The following COL28A1 variants were observed in gnomAD, a reference collection of about 807,000 sequenced individuals.
COL28A1 encodes the protein collagen type XXVIII alpha 1 chain, also known as collagen alpha-1(XXVIII) chain.
In COL28A1, 161 loss-of-function variants were observed where a neutral mutation model predicts 150.2. The ratio of observed to expected loss-of-function variants is 1.07; its 90% CI spans 0.94 to 1.22. The LOEUF is 1.22. Among genes scored for constraint, COL28A1 ranks in the 50% most tolerant of loss-of-function variants. The pLI is 0.00. For synonymous variants in COL28A1, 552 were observed against 469.7 expected (o/e 1.18, Z -2.26); for missense variants, 1,617 against 1,388.3 (o/e 1.16, Z -2.62).
Position 7,406,841 on chromosome 7 carries a change from T to C in COL28A1, c.2136+11018A>G, listed in dbSNP as rs1029924368. Reference sequence around the variant, plus strand: ...GGTGGACAGCATCCAGATTACAACATACCAGATTAGTGGTTTTCTTTCTTT... The same window carrying C: ...GGTGGACAGCATCCAGATTACAACACACCAGATTAGTGGTTTTCTTTCTTT... On this transcript the variant is annotated intron_variant, in intron 27 of 34. Coordinates refer to ENST00000399429, the MANE Select transcript of COL28A1 (RefSeq NM_001037763.3). Among the ~76,000 whole-genome samples, 9 of 152,254 alleles carry C rather than the reference T, an allele frequency of 5.9e-5. 1 individual carries two copies. The South Asian group carries it at 1.9e-3, about 32-fold the overall frequency.
intron 33 of COL28A1, among the ~76,000 whole-genome samples, chr7:7,363,735 C>T (rs989743198): frequency 4.6e-5 from 7 of 151,930 alleles, no homozygotes; most frequent in Non-Finnish European, 1.0e-4. Flanking sequence ...ATGCTCTATG[C>T]TATTTTAAAA....
At chr7:7,397,284 C>G (rs1032651281) in intron 27 of COL28A1, among the ~76,000 whole-genome samples, 5 of 152,078 alleles carry the variant, frequency 3.3e-5, no homozygotes, top group African/African-American at 1.2e-4. Context: ...TCCATCATCA[C>G]GATGCATCTT....
chr7:7,365,516 C>G (rs1195463916), intron 33 of COL28A1, among the ~76,000 whole-genome samples: 1 of 152,190 alleles, frequency 6.6e-6, no homozygotes, highest in Non-Finnish European at 1.5e-5. Context: ...GGAAAACAGA[C>G]TCAGTGCAGT....
intron 13 of COL28A1, among the ~76,000 whole-genome samples, 184 bp downstream of exon 13, chr7:7,489,205 G>C (rs1372326242): frequency 6.6e-6 from 1 of 152,160 alleles, no homozygotes; most frequent in East Asian, 1.9e-4. Context: ...AGGAGGTGGT[G>C]GTTGCAGTGA....
At chr7:7,517,720 G>T in intron 7 of COL28A1, 76 bp downstream of exon 7, 1 of 1,608,060 alleles carries the variant, frequency 6.2e-7, no homozygotes, top group Non-Finnish European at 8.5e-7. Context: ...TTGCACTAAG[G>T]GGGTCAAAAT....
chr7:7,512,315 C>G (rs1324243664), intron 8 of COL28A1, among the ~76,000 whole-genome samples: 1 of 152,124 alleles, frequency 6.6e-6, no homozygotes, highest in African/African-American at 2.4e-5. Flanking sequence ...TCATTAATAA[C>G]AATGTCTTGT....
chr7:7,523,139 C>A (rs1363654944), intron 4 of COL28A1, among the ~76,000 whole-genome samples: 1 of 148,424 alleles, frequency 6.7e-6, no homozygotes, highest in Non-Finnish European at 1.5e-5. Context: ...GATAAGCTAG[C>A]AAGGGTTTTT....
At chr7:7,472,611 C>G (rs1025278928) in intron 15 of COL28A1, among the ~76,000 whole-genome samples, 1 of 152,108 alleles carries the variant, frequency 6.6e-6, no homozygotes, top group Non-Finnish European at 1.5e-5. Flanking sequence ...AAGCCATACA[C>G]AAATTCATTG....
chr7:7,416,893 G>T (rs916601929), intron 27 of COL28A1, among the ~76,000 whole-genome samples: 2 of 152,100 alleles, frequency 1.3e-5, no homozygotes, highest in African/African-American at 4.8e-5. Context: ...AAGAAGTTCT[G>T]CTATTTGAAA....
intron 15 of COL28A1, among the ~76,000 whole-genome samples, chr7:7,456,334 A>G (rs894921340): frequency 5.3e-5 from 8 of 152,186 alleles, no homozygotes; most frequent in Non-Finnish European, 1.2e-4. Flanking sequence ...GTTGGTGAGC[A>G]TTTGTATAGG....
chr7:7,489,110 A>G (rs28691653), intron 13 of COL28A1, among the ~76,000 whole-genome samples: 2,301 of 152,198 alleles, frequency 0.015, 56 homozygotes, highest in African/African-American at 0.052. Flanking sequence ...TCTACTAAAA[A>G]TACAAAAAAC....
At chr7:7,432,774 C>A in intron 23 of COL28A1, 74 bp from the exon 24 acceptor site, 2 of 1,117,010 alleles carry the variant, frequency 1.8e-6, no homozygotes, top group South Asian at 1.2e-5. Flanking sequence ...AGCATAACAC[C>A]AACTCAATAT....
At chr7:7,480,517 A>G (rs1789299835) in intron 13 of COL28A1, among the ~76,000 whole-genome samples, 1 of 152,050 alleles carries the variant, frequency 6.6e-6, no homozygotes, top group Non-Finnish European at 1.5e-5. Flanking sequence ...AAACTAAACC[A>G]AAAGTGCCAA....
intron 31 of COL28A1, among the ~76,000 whole-genome samples, chr7:7,374,665 C>A (rs1781451617): frequency 1.3e-5 from 2 of 152,138 alleles, no homozygotes; most frequent in Non-Finnish European, 2.9e-5. Context: ...AACAAGCCTG[C>A]CACAGAAAAC....
At chr7:7,535,409 A>G (rs1782588864) in intron 1 of COL28A1, among the ~76,000 whole-genome samples, 1 of 152,174 alleles carries the variant, frequency 6.6e-6, no homozygotes, top group Non-Finnish European at 1.5e-5. Flanking sequence ...ATTCAAATTG[A>G]CAAATTAGCC....
chr7:7,502,062 T>C (rs1198119397), intron 11 of COL28A1, among the ~76,000 whole-genome samples: 1 of 152,138 alleles, frequency 6.6e-6, no homozygotes, highest in Non-Finnish European at 1.5e-5. Flanking sequence ...GCCCGGCTAA[T>C]TTTTGTGCTG....
In COL28A1 at chr7:7,437,277, C is replaced by T. The variant is rs760359693; in HGVS notation, c.1791+117G>A. On this transcript the variant is annotated intron_variant, in intron 22 of 34. Coordinates refer to ENST00000399429, the MANE Select transcript of COL28A1 (RefSeq NM_001037763.3). ...TTATCTGTGAAGTTTCAGAGTTAAA[C>T]GGAATCATTTCTAAGGCTCTTCCAA... is the stretch of plus-strand genomic sequence containing the variant. The T allele has an allele frequency of 8.5e-6, 12 of 1,413,060 alleles. 1 individual carries two copies. In the South Asian group the frequency reaches 1.2e-4, roughly 14 times the overall value. 87.5% of individuals were successfully genotyped at this position (1,413,060 alleles called of 1,614,324 possible). A position where few individuals can be genotyped will look rare whatever the true frequency, so the allele number is the denominator to read the frequency against.
rs916550423 is a variant in COL28A1, at chr7:7,490,343, T to C, written c.1095+235A>G. Among the ~76,000 whole-genome samples the C allele has an allele frequency of 2.0e-5, 3 of 152,200 alleles. No homozygotes were observed. In the South Asian group the frequency reaches 6.2e-4, roughly 31 times the overall value. On this transcript the variant is annotated intron_variant, in intron 12 of 34. Transcript: ENST00000399429. ...ACATGTACCTTGGCAAAAGGGTGGG[T>C]ATTTGGAGACAAGTAAGTTTTTCAT...
chr7:7,517,725 C>T, intron 7 of COL28A1, 71 bp downstream of exon 7: 1 of 1,609,682 alleles, frequency 6.2e-7, no homozygotes, highest in South Asian at 1.1e-5. Context: ...CTAAGGGGGT[C>T]AAAATGGTCA....
Sources: allele counts gnomAD v4.1 joint callset (sites outside exome capture counted in the v4.1 genomes callset), GRCh38; gene constraint gnomAD v4.1.1; transcripts MANE v1.5; gene names NCBI Gene and HGNC (gene_info 2026-07-23, HGNC 2026-07-21).